Variants in KLHL1 observed in about 807,000 individuals in gnomAD.
The protein encoded by KLHL1 is kelch-like protein 1.
In KLHL1, 47 loss-of-function variants were observed where a neutral mutation model predicts 77.7. The ratio of observed to expected loss-of-function variants is 0.60; its 90% CI spans 0.48 to 0.77. KLHL1 has a LOEUF of 0.77. Among genes scored for constraint, KLHL1 ranks in the 30% least tolerant of loss-of-function variants. The pLI, the probability that KLHL1 is intolerant of heterozygous loss-of-function variation, is 0.00. For missense variants in KLHL1, 925 were observed against 910.8 expected, an observed-to-expected ratio of 1.02 and a Z score of -0.20; for synonymous variants, 360 against 325.2, an observed-to-expected ratio of 1.11 and a Z score of -1.15.
chr13:70,086,412 A>G (rs1415680306), intron 1 of KLHL1, among the ~76,000 whole-genome samples: 2 of 151,586 alleles, frequency 1.3e-5, no homozygotes, highest in East Asian at 3.9e-4. Flanking sequence ...TCAAAACTCC[A>G]TCTCTATCAA....
intron 6 of KLHL1, among the ~76,000 whole-genome samples, chr13:69,823,802 T>C (rs992835466): frequency 2.6e-5 from 4 of 152,044 alleles, no homozygotes; most frequent in African/African-American, 9.6e-5. Flanking sequence ...GGTATCTCTG[T>C]AATCATTGAA....
intron 6 of KLHL1, among the ~76,000 whole-genome samples, chr13:69,808,637 C>T (rs77692677): frequency 0.024 from 3,655 of 152,180 alleles, 143 homozygotes; most frequent in African/African-American, 0.084. Flanking sequence ...ACAACCAGCA[C>T]AAAAACTCCA....
chr13:70,012,801 G>A (rs1455094694), intron 1 of KLHL1, among the ~76,000 whole-genome samples: 1 of 151,902 alleles, frequency 6.6e-6, no homozygotes, highest in Non-Finnish European at 1.5e-5. Context: ...GTCCTGGGAG[G>A]CTGAGGCAGG....
At chr13:69,880,902 A>G (rs761792535) in intron 5 of KLHL1, among the ~76,000 whole-genome samples, 46 of 152,280 alleles carry the variant, frequency 3.0e-4, no homozygotes, top group Non-Finnish European at 5.3e-4. Flanking sequence ...CTGTCACAGC[A>G]TCTGTCATTA....
At chr13:69,975,885 T>C in intron 1 of KLHL1, 83 bp from the exon 2 acceptor site, 1 of 1,385,026 alleles carries the variant, frequency 7.2e-7, no homozygotes, top group Non-Finnish European at 9.3e-7. Flanking sequence ...AACATACAGG[T>C]TTTTATCATT....
chr13:69,940,273 A>G (rs1883326408), intron 3 of KLHL1, 37 bp from the exon 4 acceptor site: 2 of 1,491,764 alleles, frequency 1.3e-6, no homozygotes, highest in African/African-American at 1.4e-5. Context: ...AACTCTTTTA[A>G]AAACATGAAA....
At chr13:70,105,804 A>C (rs1412348815) in intron 1 of KLHL1, among the ~76,000 whole-genome samples, 1 of 150,980 alleles carries the variant, frequency 6.6e-6, no homozygotes, top group African/African-American at 2.4e-5. Context: ...CTTTTTCCTA[A>C]AATATTTCAC....
intron 1 of KLHL1, among the ~76,000 whole-genome samples, chr13:70,070,199 C>T (rs1322983457): frequency 2.0e-5 from 3 of 150,938 alleles, no homozygotes; most frequent in African/African-American, 4.9e-5. Context: ...ATAATTATTG[C>T]GAATTTTCTA....
At chr13:69,813,164 G>T (rs1470196504) in intron 6 of KLHL1, among the ~76,000 whole-genome samples, 2 of 152,104 alleles carry the variant, frequency 1.3e-5, no homozygotes, top group Non-Finnish European at 2.9e-5. Context: ...ATGAGTTCAT[G>T]TCCTTTGTAG....
intron 7 of KLHL1, among the ~76,000 whole-genome samples, chr13:69,787,407 G>A (rs1207745198): frequency 6.6e-6 from 1 of 152,130 alleles, no homozygotes; most frequent in Non-Finnish European, 1.5e-5. Context: ...CAAGCAATGG[G>A]GAAAGGATTC....
chr13:69,813,720 A>G (rs973285460), intron 6 of KLHL1, among the ~76,000 whole-genome samples: 3 of 152,212 alleles, frequency 2.0e-5, no homozygotes, highest in Non-Finnish European at 4.4e-5. Context: ...TACAAGAACT[A>G]CAAAGCACTG....
At chr13:69,827,297 G>T (rs1203513997) in intron 6 of KLHL1, among the ~76,000 whole-genome samples, 3 of 150,476 alleles carry the variant, frequency 2.0e-5, no homozygotes, top group Non-Finnish European at 4.4e-5. Context: ...ATAAGATAAG[G>T]TTTATTTAGC....
At chr13:69,964,218 A>AT (rs1884149180) in intron 2 of KLHL1, among the ~76,000 whole-genome samples, 1 of 152,012 alleles carries the variant, frequency 6.6e-6, no homozygotes, top group African/African-American at 2.4e-5. Flanking sequence ...TAGTTTTTGA[A>AT]TTTTTTGTAG....
intron 3 of KLHL1, among the ~76,000 whole-genome samples, chr13:69,959,043 A>G (rs1218653549): frequency 6.6e-6 from 1 of 152,026 alleles, no homozygotes; most frequent in Non-Finnish European, 1.5e-5. Context: ...TATTTTCCTC[A>G]TCTAACACAT....
In KLHL1 at chr13:70,024,630, C is replaced by CTCTCTCTTTCTCTCTT. The variant is rs1555291459; in HGVS notation, c.498-48829_498-48828insAAGAGAGAAAGAGAGA. Among the ~76,000 whole-genome samples, 224 of 85,328 alleles carry CTCTCTCTTTCTCTCTT rather than the reference C, an allele frequency of 2.6e-3. 9 individuals are homozygous for CTCTCTCTTTCTCTCTT. Among genetic ancestry groups the CTCTCTCTTTCTCTCTT allele is most frequent in the Middle Eastern group, 0.017 (3 of 178 alleles). The allele number at this position is 85,328 out of a possible 152,430, so 56.0% of individuals were successfully genotyped here. A position where few individuals can be genotyped will look rare whatever the true frequency, so the allele number is the denominator to read the frequency against. On this transcript the variant is annotated intron_variant, in intron 1 of 10. Coordinates refer to ENST00000377844, the MANE Select transcript of KLHL1 (RefSeq NM_020866.3). ...GTGAGGAGAAAAGATTTCTCTCTCTCTCTCTCTCTCTCTCTCTCTCTCTCT... is the reference window on the plus strand; with the variant it reads ...GTGAGGAGAAAAGATTTCTCTCTCTCTCTCTCTTTCTCTCTTTCTCTCTCTCTCTCTCTCTCTCTCT...
chr13:69,711,566 T>A (rs531733934), intron 9 of KLHL1, among the ~76,000 whole-genome samples: 1 of 152,228 alleles, frequency 6.6e-6, no homozygotes, highest in East Asian at 1.9e-4. Flanking sequence ...TCAAAAGAAA[T>A]GTTCCTAGAC....
intron 6 of KLHL1, among the ~76,000 whole-genome samples, chr13:69,831,580 T>C (rs756714886): frequency 2.0e-5 from 3 of 149,744 alleles, no homozygotes; most frequent in Non-Finnish European, 4.4e-5. Flanking sequence ...AAGGAGAGAA[T>C]CCTCTGTAAA....
intron 7 of KLHL1, among the ~76,000 whole-genome samples, chr13:69,793,722 G>A (rs892133584): frequency 6.6e-6 from 1 of 151,962 alleles, no homozygotes; most frequent in Non-Finnish European, 1.5e-5. Context: ...GTTTCTGAAC[G>A]AGTAGAAAAC....
intron 4 of KLHL1, among the ~76,000 whole-genome samples, chr13:69,883,327 A>G (rs766212185): frequency 7.9e-5 from 12 of 152,130 alleles, no homozygotes; most frequent in Non-Finnish European, 1.8e-4. Flanking sequence ...TCAACTTGCC[A>G]TCTTGTTTGA....
Sources: allele counts gnomAD v4.1 joint callset (sites outside exome capture counted in the v4.1 genomes callset), GRCh38; gene constraint gnomAD v4.1.1; transcripts MANE v1.5; gene names NCBI Gene and HGNC (gene_info 2026-07-23, HGNC 2026-07-21).